Variants in LRRC4C observed in about 807,000 individuals in gnomAD.
LRRC4C encodes the protein leucine-rich repeat-containing protein 4C.
In LRRC4C, 5 loss-of-function variants were observed where a neutral mutation model predicts 33.6. The observed-to-expected ratio is 0.15, with a 90% CI of 0.08 to 0.31. The LOEUF is 0.31. LRRC4C is among the 10% of genes least tolerant of loss of function. LRRC4C has a pLI of 1.00. For synonymous variants in LRRC4C, 329 were observed against 302.0 expected (o/e 1.09, Z -0.93); for missense variants, 560 against 796.7 (o/e 0.70, Z 3.58).
intron 1 of LRRC4C, among the ~76,000 whole-genome samples, chr11:41,091,822 A>G (rs1940440465): frequency 6.6e-6 from 1 of 152,132 alleles, no homozygotes; most frequent in Admixed American, 6.6e-5. Context: ...AGTTGGACCA[A>G]TGTCCTGTGA....
chr11:40,153,352 C>T (rs1484124359), intron 5 of LRRC4C, among the ~76,000 whole-genome samples: 1 of 152,122 alleles, frequency 6.6e-6, no homozygotes, highest in Non-Finnish European at 1.5e-5. Context: ...AGCCAGAAAA[C>T]CAACCCTGGT....
Position 41,439,898 on chromosome 11 carries a change from G to T in LRRC4C, c.-496+19533C>A, listed in dbSNP as rs560140722. Among the ~76,000 whole-genome samples the T allele has an allele frequency of 1.2e-4, 19 of 152,208 alleles. No homozygotes were observed. In the South Asian group the frequency reaches 3.1e-3, roughly 25 times the overall value. On this transcript the variant is annotated intron_variant, in intron 1 of 6. Coordinates refer to ENST00000528697, the MANE Select transcript of LRRC4C (RefSeq NM_001258419.2). ...AGTTCCTTGTAGATTCTAGATATTA[G>T]TCCTCTGTTGGATGCATAGTTTGCA...
intron 1 of LRRC4C, among the ~76,000 whole-genome samples, chr11:41,237,867 A>G (rs1948089626): frequency 6.6e-6 from 1 of 152,190 alleles, no homozygotes; most frequent in African/African-American, 2.4e-5. Flanking sequence ...TAAAGCTGCT[A>G]AAAAGCTTCC....
intron 3 of LRRC4C, among the ~76,000 whole-genome samples, chr11:40,345,641 A>C (rs909821664): frequency 1.3e-5 from 2 of 152,212 alleles, no homozygotes; most frequent in Admixed American, 6.5e-5. Flanking sequence ...AGGACCCGGC[A>C]AAAATTTCAT....
At chr11:41,152,418 C>G (rs979114906) in intron 1 of LRRC4C, among the ~76,000 whole-genome samples, 10 of 152,176 alleles carry the variant, frequency 6.6e-5, no homozygotes, top group Non-Finnish European at 1.2e-4. Flanking sequence ...AAATTCAACT[C>G]CTGTTTTCTC....
At chr11:40,567,164 T>A (rs1321763019) in intron 3 of LRRC4C, among the ~76,000 whole-genome samples, 1 of 152,294 alleles carries the variant, frequency 6.6e-6, no homozygotes, top group East Asian at 1.9e-4. Flanking sequence ...GTTAATTTTG[T>A]TGTAATTTTA....
chr11:40,659,296 G>T (rs1675003677), intron 2 of LRRC4C, among the ~76,000 whole-genome samples: 1 of 152,212 alleles, frequency 6.6e-6, no homozygotes, highest in South Asian at 2.1e-4. Flanking sequence ...CAGGAAGGAG[G>T]CTGGGTGGTG....
intron 2 of LRRC4C, among the ~76,000 whole-genome samples, chr11:40,777,937 C>T (rs1950073148): frequency 6.6e-6 from 1 of 152,132 alleles, no homozygotes; most frequent in African/African-American, 2.4e-5. Flanking sequence ...ATCCACCCGC[C>T]TCGGCCTCCC....
intron 2 of LRRC4C, among the ~76,000 whole-genome samples, chr11:40,760,936 T>C (rs1591647825): frequency 6.7e-6 from 1 of 149,628 alleles, no homozygotes; most frequent in East Asian, 2.0e-4. Flanking sequence ...GAGTTTCTGG[T>C]CTCAAACTCC....
At chr11:40,376,721 A>ATGTGTG (rs61662311) in intron 3 of LRRC4C, among the ~76,000 whole-genome samples, 146 of 147,856 alleles carry the variant, frequency 9.9e-4, no homozygotes, top group African/African-American at 2.0e-3. Context: ...GTGTGTGCTT[A>ATGTGTG]TGTGTGTGTG....
intron 1 of LRRC4C, among the ~76,000 whole-genome samples, chr11:41,123,169 G>A (rs888694976): frequency 6.6e-6 from 1 of 151,834 alleles, no homozygotes; most frequent in African/African-American, 2.4e-5. Flanking sequence ...CACCTCCAAG[G>A]AGGGTAAATT....
chr11:41,114,568 C>A (rs531577059), intron 1 of LRRC4C, among the ~76,000 whole-genome samples: 9 of 152,024 alleles, frequency 5.9e-5, no homozygotes, highest in South Asian at 4.1e-4. Flanking sequence ...CACTTTCCCC[C>A]AAAAAATCAG....
chr11:40,900,837 G>C (rs1340152840), intron 2 of LRRC4C, among the ~76,000 whole-genome samples: 1 of 151,896 alleles, frequency 6.6e-6, no homozygotes, highest in Admixed American at 6.6e-5. Context: ...AAATATCTGT[G>C]AGGTTAATTT....
chr11:41,066,237 T>C (rs1938225764), intron 1 of LRRC4C, among the ~76,000 whole-genome samples: 1 of 151,806 alleles, frequency 6.6e-6, no homozygotes, highest in African/African-American at 2.4e-5. Flanking sequence ...CCTGATGGAG[T>C]GAAAAACACA....
chr11:40,300,260 T>A (rs983956589), intron 4 of LRRC4C, among the ~76,000 whole-genome samples: 32 of 152,210 alleles, frequency 2.1e-4, no homozygotes, highest in Admixed American at 2.0e-3. Flanking sequence ...ACCTCCAACA[T>A]TAGGGATTAC....
intron 5 of LRRC4C, among the ~76,000 whole-genome samples, chr11:40,176,930 CTTTT>C (rs36015905): frequency 1.2e-5 from 1 of 82,626 alleles, no homozygotes; most frequent in Admixed American, 1.6e-4. Flanking sequence ...CTGCCAGAGT[CTTTT>C]TTTTTTTTTT....
intron 1 of LRRC4C, among the ~76,000 whole-genome samples, chr11:40,976,369 G>A: frequency 6.6e-6 from 1 of 152,138 alleles, no homozygotes; most frequent in Admixed American, 6.5e-5. Context: ...GTATTCATAA[G>A]CAAGGGTTCT....
chr11:40,728,196 G>A (rs1424529255), intron 2 of LRRC4C, among the ~76,000 whole-genome samples: 1 of 152,242 alleles, frequency 6.6e-6, no homozygotes, highest in Non-Finnish European at 1.5e-5. Flanking sequence ...CACTCTTGGT[G>A]GGAATGTAAA....
rs1217533396 is a variant in LRRC4C, at chr11:40,231,005, G to T, written c.-96+10514C>A. ...TCATCAGACTGTAAGATTTGCAAGGGCTGGCACAGAATAGAGTTCCAGTAA... is the reference window on the plus strand; with the variant it reads ...TCATCAGACTGTAAGATTTGCAAGGTCTGGCACAGAATAGAGTTCCAGTAA... On this transcript the variant is annotated intron_variant, in intron 5 of 6. Transcript: ENST00000528697. Among the ~76,000 whole-genome samples the T allele has an allele frequency of 2.6e-5, 4 of 152,144 alleles. No homozygotes were observed. The South Asian group carries it at 8.3e-4, about 32-fold the overall frequency.
Sources: allele counts gnomAD v4.1 joint callset (sites outside exome capture counted in the v4.1 genomes callset), GRCh38; gene constraint gnomAD v4.1.1; transcripts MANE v1.5; gene names NCBI Gene and HGNC (gene_info 2026-07-23, HGNC 2026-07-21).